DOCK4: variants seen among roughly 807,000 people sequenced by gnomAD.
The protein encoded by DOCK4 is dedicator of cytokinesis 4, also known as dedicator of cytokinesis protein 4.
Under a neutral mutation model 268.1 loss-of-function variants are expected in DOCK4, and 97 were observed. The observed-to-expected ratio is 0.36, with a 90% CI of 0.31 to 0.43. DOCK4 has a LOEUF of 0.43. Among genes scored for constraint, DOCK4 ranks in the 20% least tolerant of loss-of-function variants. DOCK4 has a pLI of 1.00. For synonymous variants in DOCK4, 954 were observed against 887.2 expected (o/e 1.08, Z -1.34); for missense variants, 2,145 against 2,455.7 (o/e 0.87, Z 2.67).
chr7:111,871,841 T>A, intron 20 of DOCK4, 149 bp downstream of exon 20: 1 of 502,070 alleles, frequency 2.0e-6, no homozygotes, highest in Non-Finnish European at 3.4e-6. Flanking sequence ...AAAGGGTGTG[T>A]TAGCAGGGAA....
chr7:111,983,617 C>G (rs1255983986), intron 7 of DOCK4, among the ~76,000 whole-genome samples: 1 of 151,642 alleles, frequency 6.6e-6, no homozygotes, highest in African/African-American at 2.4e-5. Context: ...GGATGCCAAG[C>G]AAAAAAACTG....
At chr7:112,008,322 A>G (rs1227372271) in intron 1 of DOCK4, among the ~76,000 whole-genome samples, 1 of 152,184 alleles carries the variant, frequency 6.6e-6, no homozygotes, top group Non-Finnish European at 1.5e-5. Flanking sequence ...AGTTTACAGG[A>G]AAGTCCTTAA....
intron 8 of DOCK4, among the ~76,000 whole-genome samples, chr7:111,948,022 C>A (rs1795757421): frequency 6.6e-6 from 1 of 152,072 alleles, no homozygotes; most frequent in Admixed American, 6.5e-5. Flanking sequence ...GCTACCAGGC[C>A]TGGACTATTT....
intron 1 of DOCK4, among the ~76,000 whole-genome samples, chr7:112,159,418 T>G (rs1274071206): frequency 1.3e-5 from 2 of 152,152 alleles, no homozygotes; most frequent in African/African-American, 2.4e-5. Context: ...AATGCATTCA[T>G]AGCCCAACCT....
intron 1 of DOCK4, among the ~76,000 whole-genome samples, chr7:112,081,018 C>G (rs1415768141): frequency 6.6e-6 from 1 of 152,086 alleles, no homozygotes; most frequent in Non-Finnish European, 1.5e-5. Context: ...TGTCGAGGTA[C>G]ATTTCTAGAG....
chr7:111,829,834 C>T (rs1050964620), intron 26 of DOCK4, among the ~76,000 whole-genome samples: 1 of 152,140 alleles, frequency 6.6e-6, no homozygotes, highest in African/African-American at 2.4e-5. Context: ...AAAGTTTTTG[C>T]CCTTATAATC....
chr7:111,822,347 A>G lies in DOCK4; in HGVS notation c.2930+15T>C. On this transcript the variant is annotated intron_variant, in intron 27 of 52. Transcript: ENST00000428084. ...ATACATTGAGCTGCAATTATCATCA[A>G]CTTAAATGTCTTACTTGTTAGCAAC... is the stretch of plus-strand genomic sequence containing the variant. The G allele has an allele frequency of 6.2e-7, 1 of 1,602,640 alleles. No individual in the cohort carries two copies. Among genetic ancestry groups the G allele is most frequent in the Non-Finnish European group, 8.5e-7 (1 of 1,171,136 alleles).
rs558387194 is a variant in DOCK4, at chr7:111,912,965, T to TC, written c.1192+2813dup. On this transcript the variant is annotated intron_variant, in intron 13 of 52. Coordinates refer to ENST00000428084, the MANE Select transcript of DOCK4 (RefSeq NM_001363540.2). ...TAAAATTTTTTAGAGCATAGAAATT[T>TC]CCTTTTTTTTTTTTTTAGATGGAGT... Among the ~76,000 whole-genome samples, 1,462 of 152,010 alleles carry TC rather than the reference T, an allele frequency of 9.6e-3. 27 individuals carry two copies. The highest frequency in any genetic ancestry group is 0.033 in the African/African-American group (1,364 of 41,442).
rs74955661 is a variant in DOCK4, at chr7:111,948,090, T to C, written c.702-2292A>G. Among the ~76,000 whole-genome samples the C allele has an allele frequency of 9.3e-4, 142 of 152,294 alleles. 1 individual carries two copies. In the East Asian group the frequency reaches 0.027, roughly 29 times the overall value. On this transcript the variant is annotated intron_variant, in intron 8 of 52. Transcript: ENST00000428084. ...AGAATTCATCTTGGGACAAAGGAAT[T>C]ATACTTTAACCATATTATTAGGTAA...
intron 30 of DOCK4, among the ~76,000 whole-genome samples, chr7:111,803,412 T>A (rs960712390): frequency 2.0e-5 from 3 of 152,234 alleles, no homozygotes; most frequent in Non-Finnish European, 4.4e-5. Context: ...TACCTCTAAT[T>A]GTTGGCCACA....
At chr7:112,149,850 C>G (rs1815891418) in intron 1 of DOCK4, among the ~76,000 whole-genome samples, 1 of 152,130 alleles carries the variant, frequency 6.6e-6, no homozygotes, top group Non-Finnish European at 1.5e-5. Flanking sequence ...AAATATGCCC[C>G]AAAGGCAGCC....
chr7:111,744,469 C>T (rs997610857), intron 44 of DOCK4, among the ~76,000 whole-genome samples: 7 of 152,150 alleles, frequency 4.6e-5, no homozygotes, highest in Admixed American at 1.3e-4. Flanking sequence ...AGAGATCTCA[C>T]ATTTTCTAGG....
chr7:111,791,075 TATATATATATATATATATATATATAAA>T (rs1799498951), intron 30 of DOCK4, among the ~76,000 whole-genome samples: 1 of 130,656 alleles, frequency 7.7e-6, no homozygotes, highest in East Asian at 2.1e-4. Context: ...AAAAATTATA[TATATATATATATATATATATATATAAA>T]ATAAATCATC....
intron 43 of DOCK4, among the ~76,000 whole-genome samples, chr7:111,746,635 G>A (rs759666821): frequency 6.6e-6 from 1 of 152,032 alleles, no homozygotes; most frequent in South Asian, 2.1e-4. Flanking sequence ...AAGTACCCTT[G>A]CTAAAATAAA....
intron 1 of DOCK4, among the ~76,000 whole-genome samples, chr7:112,112,706 C>T (rs1811779466): frequency 6.6e-6 from 1 of 151,904 alleles, no homozygotes; most frequent in South Asian, 2.1e-4. Context: ...GAACTGTGAG[C>T]CCAATAAGCC....
At position 111,739,211 on chromosome 7, in the gene DOCK4, A is replaced by T; in HGVS notation, c.5155T>A (p.Ser1719Thr). ...GGTGACAGGCAAGAGTTTTCTCGGG[A>T]ATGTTTGTGTTTGTCAGACAACAAA... Reference protein sequence around the residue: ...SPLLSDKHKHSRENSCLSPRE... With the variant: ...SPLLSDKHKHTRENSCLSPRE... Residue 1719 changes from serine (S) to threonine (T), a missense_variant, in exon 49 of 53, where the codon TCC (serine) becomes ACC (threonine). Coordinates refer to ENST00000428084, the MANE Select transcript of DOCK4 (RefSeq NM_001363540.2). 6.2e-7 allele frequency: 1 copy of T among 1,613,972 alleles called. No individual in the cohort carries two copies. The highest frequency in any genetic ancestry group is 1.1e-5 in the South Asian group (1 of 91,084).
intron 1 of DOCK4, among the ~76,000 whole-genome samples, chr7:112,182,184 G>A (rs1819110903): frequency 1.3e-5 from 2 of 152,170 alleles, no homozygotes; most frequent in South Asian, 4.1e-4. Flanking sequence ...TAGAGTTGTT[G>A]TGACACCTGT....
At position 111,872,061 on chromosome 7, in the gene DOCK4, G is replaced by A. The variant is rs201317614; in HGVS notation, c.1956C>T (p.Ser652=). The change falls in exon 20 of 53, where the codon AGC becomes AGT. Residue 652 remains serine (S), a synonymous_variant. Coordinates refer to ENST00000428084, the MANE Select transcript of DOCK4 (RefSeq NM_001363540.2). ...LVHIINLLQD[S]KFHHFKPVMD... ...TTACAGGTTTAAAATGATGAAATTTGCTATCTTGCAGCAAATTTATTATGT... is the reference window on the plus strand; with the variant it reads ...TTACAGGTTTAAAATGATGAAATTTACTATCTTGCAGCAAATTTATTATGT... 594 of 1,550,594 alleles carry A rather than the reference G, an allele frequency of 3.8e-4. 2 individuals are homozygous for A. Among genetic ancestry groups the A allele is most frequent in the Admixed American group, 2.3e-3 (115 of 50,382 alleles).
rs760430137 is a variant in DOCK4, at chr7:111,901,770, A to G, written c.1224T>C (p.Ile408=). 2 of 1,593,848 alleles carry G rather than the reference A, an allele frequency of 1.3e-6. No individual in the cohort carries two copies. Among genetic ancestry groups the G allele is most frequent in the Non-Finnish European group, 1.7e-6 (2 of 1,163,084 alleles). The change falls in exon 14 of 53, where the codon ATT becomes ATC. Residue 408 remains isoleucine (I), a synonymous_variant. Transcript: ENST00000428084. ...GEMRNDLYIT[I]ERGEFEKGGK... ...CTCCTTTCTCAAATTCTCCCCTTTC[A>G]ATAGTGATATATAAATCATTCCTCA...
Sources: gnomAD v4.1 joint callset for allele counts (sites outside exome capture counted in the v4.1 genomes callset) on GRCh38, gnomAD v4.1.1 for gene constraint, MANE v1.5 for transcripts, NCBI Gene and HGNC (gene_info 2026-07-23, HGNC 2026-07-21) for gene names.